Variants in PRELID2 observed in about 807,000 individuals in gnomAD.
PRELID2 encodes PRELI domain-containing protein 2.
Under a neutral mutation model 28.4 loss-of-function variants are expected in PRELID2, and 25 were observed. The observed-to-expected ratio is 0.88, with a 90% CI of 0.64 to 1.23. PRELID2 has a LOEUF of 1.23. Among genes scored for constraint, PRELID2 ranks in the 50% most tolerant of loss-of-function variants. The pLI is 0.00. For missense variants in PRELID2, 201 were observed against 214.4 expected (o/e 0.94, Z 0.39); for synonymous variants, 76 against 71.6 (o/e 1.06, Z -0.31).
the PRELID2 span, among the ~76,000 whole-genome samples, chr5:145,346,960 T>C: frequency 2.6e-5 from 4 of 152,132 alleles, no homozygotes; most frequent in African/African-American, 9.7e-5. Context: ...AAGAAATATA[T>C]CCACATTCTT....
the PRELID2 span, among the ~76,000 whole-genome samples, chr5:145,405,156 A>ATTG: frequency 6.6e-6 from 1 of 152,306 alleles, no homozygotes; most frequent in East Asian, 1.9e-4. Context: ...TATCTTTGCT[A>ATTG]TTGTTAGAAA....
intron 1 of PRELID2, among the ~76,000 whole-genome samples, chr5:145,723,423 T>C (rs1561558332): frequency 6.6e-6 from 1 of 152,076 alleles, no homozygotes; most frequent in Non-Finnish European, 1.5e-5. Context: ...GATGGGATTA[T>C]TGAGACCATT....
intron 1 of PRELID2, among the ~76,000 whole-genome samples, chr5:145,478,740 A>T (rs1752130186): frequency 6.6e-6 from 1 of 152,108 alleles, no homozygotes; most frequent in South Asian, 2.1e-4. Flanking sequence ...TGTTATGTTT[A>T]CTTGTATGAC....
the PRELID2 span, among the ~76,000 whole-genome samples, chr5:145,273,736 C>A: frequency 6.6e-6 from 1 of 152,034 alleles, no homozygotes; most frequent in African/African-American, 2.4e-5. Flanking sequence ...CACCAGTACT[C>A]TGAAGAAAAA....
At chr5:145,640,119 T>G (rs895637693) in intron 1 of PRELID2, among the ~76,000 whole-genome samples, 3 of 152,176 alleles carry the variant, frequency 2.0e-5, no homozygotes, top group Non-Finnish European at 4.4e-5. Flanking sequence ...AATCAAAAGA[T>G]GAAGAGAGCT....
Position 145,760,105 on chromosome 5 carries a change from T to C in PRELID2, c.*431A>G, listed in dbSNP as rs1416471732. On this transcript the variant is annotated 3_prime_UTR_variant, in exon 7 of 7. Transcript: ENST00000683046. ...TTCAACTCCCTTATTGGTTCCAGAA[T>C]CCCCTCACGAATCCTAGGAACAACG... 2 of 152,032 alleles carry C rather than the reference T, an allele frequency of 1.3e-5. No individual in the cohort carries two copies. Among genetic ancestry groups the C allele is most frequent in the East Asian group, 3.9e-4 (2 of 5,194 alleles). 9.4% of individuals were successfully genotyped at this position (152,032 alleles called of 1,614,324 possible).
chr5:145,762,123 G>T (rs1255259245), intron 6 of PRELID2, among the ~76,000 whole-genome samples: 2 of 152,152 alleles, frequency 1.3e-5, no homozygotes, highest in African/African-American at 4.8e-5. Context: ...TGAATTTTGA[G>T]AGTTGGAATT....
At chr5:145,354,630 A>G in the PRELID2 span, among the ~76,000 whole-genome samples, 81 of 152,286 alleles carry the variant, frequency 5.3e-4, no homozygotes, top group African/African-American at 1.9e-3. Context: ...GAATTACTTC[A>G]TATTTAACTT....
chr5:145,305,439 T>G, the PRELID2 span, among the ~76,000 whole-genome samples: 1 of 152,116 alleles, frequency 6.6e-6, no homozygotes, highest in Admixed American at 6.5e-5. Flanking sequence ...AGGAGAAGAT[T>G]GTAGGTCAAT....
intron 1 of PRELID2, among the ~76,000 whole-genome samples, chr5:145,525,783 T>A (rs938675921): frequency 6.6e-6 from 1 of 152,214 alleles, no homozygotes; most frequent in Non-Finnish European, 1.5e-5. Flanking sequence ...TAACCATTTA[T>A]ACTGGGGTTT....
the PRELID2 span, among the ~76,000 whole-genome samples, chr5:145,372,848 T>A: frequency 7.1e-6 from 1 of 140,062 alleles, no homozygotes; most frequent in Admixed American, 7.9e-5. Context: ...TACATAAGGT[T>A]ATATATTATT....
At chr5:145,483,453 C>A (rs1330198225) in intron 1 of PRELID2, among the ~76,000 whole-genome samples, 1 of 152,208 alleles carries the variant, frequency 6.6e-6, no homozygotes, top group Non-Finnish European at 1.5e-5. Context: ...CATGAGCTAG[C>A]CACAGTCCTA....
chr5:145,817,447 A>ATATATATATATATATATATATC (rs1293005630), intron 4 of PRELID2, among the ~76,000 whole-genome samples: 1 of 130,252 alleles, frequency 7.7e-6, no homozygotes, highest in Non-Finnish European at 1.7e-5. Context: ...ATATATATAT[A>ATATATATATATATATATATATC]TCACATGGTT....
At chr5:145,480,294 A>C (rs1032620257) in intron 1 of PRELID2, among the ~76,000 whole-genome samples, 1 of 152,062 alleles carries the variant, frequency 6.6e-6, no homozygotes, top group African/African-American at 2.4e-5. Context: ...CTGCAGATGT[A>C]TTTGCTTATT....
At chr5:145,636,073 C>A (rs1244483092) in intron 1 of PRELID2, among the ~76,000 whole-genome samples, 1 of 152,232 alleles carries the variant, frequency 6.6e-6, no homozygotes, top group Non-Finnish European at 1.5e-5. Flanking sequence ...CAACACATTA[C>A]CACATCCTGC....
At position 145,759,245 on chromosome 5, in the gene PRELID2, C is replaced by T. The variant is rs1402466211; in HGVS notation, c.*1291G>A. 1.3e-5 allele frequency: 2 copies of T among 152,090 alleles called. No individual in the cohort carries two copies. The highest frequency in any genetic ancestry group is 2.4e-5 in the African/African-American group (1 of 41,414). 9.4% of individuals were successfully genotyped at this position (152,090 alleles called of 1,614,324 possible). On this transcript the variant is annotated 3_prime_UTR_variant, in exon 7 of 7. Coordinates refer to ENST00000683046, the MANE Select transcript of PRELID2 (RefSeq NM_205846.3). ...CTCGAACTCCTGACCTTGTGATCCA[C>T]CCGCCTCGGCCTCCCAAAGTACTGG... is the stretch of plus-strand genomic sequence containing the variant.
the PRELID2 span, among the ~76,000 whole-genome samples, chr5:145,379,540 C>T: frequency 6.6e-6 from 1 of 152,126 alleles, no homozygotes; most frequent in East Asian, 1.9e-4. Context: ...GTAGGATCCC[C>T]TGTTCTCTGT....
intron 1 of PRELID2, among the ~76,000 whole-genome samples, chr5:145,481,623 C>CAAAAAAAAAAAAAAAAA (rs70998021): frequency 4.0e-3 from 169 of 41,864 alleles, no homozygotes; most frequent in African/African-American, 5.1e-3. Flanking sequence ...GCAAGGAAAT[C>CAAAAAAAAAAAAAAAAA]AAAAAAAAAA....
chr5:145,328,110 G>T, the PRELID2 span, among the ~76,000 whole-genome samples: 3 of 152,100 alleles, frequency 2.0e-5, no homozygotes, highest in African/African-American at 7.2e-5. Flanking sequence ...CAGAGGACAT[G>T]AATTCATCCT....
Sources: gnomAD v4.1 joint callset for allele counts (sites outside exome capture counted in the v4.1 genomes callset) on GRCh38, gnomAD v4.1.1 for gene constraint, MANE v1.5 for transcripts, NCBI Gene and HGNC (gene_info 2026-07-23, HGNC 2026-07-21) for gene names.